The following ODAD2 variants were observed in gnomAD, a reference collection of about 807,000 sequenced individuals.
ODAD2 encodes outer dynein arm-docking complex subunit 2.
ODAD2 carries 89 observed loss-of-function variants against 106.8 expected under a neutral mutation model. The ratio of observed to expected loss-of-function variants is 0.83; its 90% confidence interval spans 0.70 to 0.99. The LOEUF is 0.99. ODAD2 is among the 50% of genes least tolerant of loss of function. ODAD2 has a pLI of 0.00. For missense variants in ODAD2, 1,168 were observed against 1,238.5 expected (o/e 0.94, Z 0.85); for synonymous variants, 404 against 436.2 (o/e 0.93, Z 0.92).
chr10:27,960,184 C>A (rs1324859639), intron 10 of ODAD2, among the ~76,000 whole-genome samples: 1 of 151,762 alleles, frequency 6.6e-6, no homozygotes, highest in East Asian at 1.9e-4. Context: ...ACATATTTTT[C>A]ATTTTGCATT....
chr10:27,966,455 G>T (rs140009630), intron 9 of ODAD2, among the ~76,000 whole-genome samples: 2,106 of 152,138 alleles, frequency 0.014, 19 homozygotes, highest in Non-Finnish European at 0.02. Flanking sequence ...AAAAAGCAGC[G>T]CCCCAAAGAA....
intron 17 of ODAD2, among the ~76,000 whole-genome samples, chr10:27,897,338 C>A (rs1408089700): frequency 1.3e-5 from 2 of 152,170 alleles, no homozygotes; most frequent in African/African-American, 4.8e-5. Context: ...ATTCAAATGA[C>A]TGGACATCTC....
At chr10:27,831,222 C>T (rs750736227) in intron 19 of ODAD2, among the ~76,000 whole-genome samples, 1 of 152,162 alleles carries the variant, frequency 6.6e-6, no homozygotes, top group Non-Finnish European at 1.5e-5. Context: ...AGAACAATTC[C>T]TTGTTCTTTT....
At chr10:27,927,950 C>G (rs1845368279) in intron 16 of ODAD2, among the ~76,000 whole-genome samples, 1 of 152,072 alleles carries the variant, frequency 6.6e-6, no homozygotes, top group African/African-American at 2.4e-5. Context: ...ACACCCAACC[C>G]ATCCCTCTAA....
At chr10:27,996,514 T>C (rs899999889) in intron 1 of ODAD2, among the ~76,000 whole-genome samples, 3 of 152,112 alleles carry the variant, frequency 2.0e-5, no homozygotes, top group Admixed American at 6.5e-5. Flanking sequence ...CTGTGCAGGA[T>C]AGTACCTCAG....
rs746285604 is a variant in ODAD2 at position 27,985,050 on chromosome 10, G to A, written c.544C>T (p.Leu182Phe). 1.1e-5 allele frequency: 18 copies of A among 1,608,692 alleles called. No individual in the cohort carries two copies. The highest frequency in any genetic ancestry group is 1.1e-5 in the South Asian group (1 of 90,252). ...AMLLKQLDLH[L>F]LNHSLKHISL... The stretch of plus-strand genomic sequence containing the variant: ...ATATGTTTTAGAGAATGATTGAGGA[G>A]GTGCAGATCCAATTGCTTAAGCAGC... Residue 182 changes from leucine to phenylalanine, a missense_variant, in exon 4 of 20, where the codon CTC (leucine) becomes TTC (phenylalanine). Leu to Phe is a conservative substitution (Grantham distance 22, BLOSUM62 0). Coordinates refer to ENST00000305242, the MANE Select transcript of ODAD2 (RefSeq NM_018076.5).
At chr10:27,843,404 T>C (rs989987651) in intron 19 of ODAD2, among the ~76,000 whole-genome samples, 1 of 152,074 alleles carries the variant, frequency 6.6e-6, no homozygotes, top group African/African-American at 2.4e-5. Context: ...CATAACTGGG[T>C]AAAAAAGCAA....
At chr10:27,937,776 C>T (rs1287847024) in intron 14 of ODAD2, among the ~76,000 whole-genome samples, 1 of 152,154 alleles carries the variant, frequency 6.6e-6, no homozygotes, top group African/African-American at 2.4e-5. Flanking sequence ...TTATCTTCTG[C>T]ACGTGATTTT....
intron 18 of ODAD2, among the ~76,000 whole-genome samples, chr10:27,861,589 G>C (rs1300803994): frequency 6.6e-6 from 1 of 152,234 alleles, no homozygotes; most frequent in African/African-American, 2.4e-5. Flanking sequence ...ATTGATATCA[G>C]TAATACACCT....
chr10:27,926,724 A>G (rs1845283557), intron 16 of ODAD2, among the ~76,000 whole-genome samples: 1 of 152,302 alleles, frequency 6.6e-6, no homozygotes, highest in African/African-American at 2.4e-5. Context: ...TGAGGTATGG[A>G]AAAATAAATC....
rs762408624 is a variant in ODAD2, at chr10:27,940,716, C to A, written c.1833G>T (p.Gly611=). ...EARDVEVARC[G]ALALWSCSKS... is the part of the protein sequence containing the mutation. ...TACTGCAGCTCCACAGGGCCAGTGCCCCACAGCGAGCCACTTCCACGTCTC... is the reference window on the plus strand; with the variant it reads ...TACTGCAGCTCCACAGGGCCAGTGCACCACAGCGAGCCACTTCCACGTCTC... The change falls in exon 13 of 20, where the codon GGG becomes GGT. Residue 611 remains glycine (G), a synonymous_variant. Coordinates refer to ENST00000305242, the MANE Select transcript of ODAD2 (RefSeq NM_018076.5). 6.2e-7 allele frequency: 1 copy of A among 1,614,114 alleles called. No homozygotes were observed. Among genetic ancestry groups the A allele is most frequent in the South Asian group, 1.1e-5 (1 of 91,084 alleles).
intron 16 of ODAD2, among the ~76,000 whole-genome samples, chr10:27,908,862 T>C (rs1426021866): frequency 6.6e-6 from 1 of 152,014 alleles, no homozygotes; most frequent in Non-Finnish European, 1.5e-5. Flanking sequence ...AAACTGGTGA[T>C]GTAAATAGCC....
At chr10:27,970,983 TAAATAAATAAATAAATAAATAAATAAAC>T (rs1286429363) in intron 8 of ODAD2, 97 bp downstream of exon 8, 1 of 312,726 alleles carries the variant, frequency 3.2e-6, no homozygotes, top group African/African-American at 2.9e-5. Context: ...AATAAATAAA[TAAATAAATAAATAAATAAATAAATAAAC>T]AAACAAACAA....
intron 9 of ODAD2, 65 bp from the exon 10 acceptor site, chr10:27,961,780 T>A: frequency 7.2e-7 from 1 of 1,396,274 alleles, no homozygotes; most frequent in Non-Finnish European, 9.8e-7. Flanking sequence ...AAGACCTACA[T>A]GGGGCCAGGT....
intron 1 of ODAD2, among the ~76,000 whole-genome samples, chr10:27,998,119 A>C (rs868010621): frequency 1.3e-5 from 2 of 152,224 alleles, no homozygotes; most frequent in Admixed American, 1.3e-4. Flanking sequence ...AGCACAACCG[A>C]ATTCTTTAGG....
At chr10:27,856,034 T>G (rs1055372605) in intron 19 of ODAD2, among the ~76,000 whole-genome samples, 2 of 152,210 alleles carry the variant, frequency 1.3e-5, no homozygotes, top group African/African-American at 4.8e-5. Context: ...TGAATTTTTT[T>G]CCTGCAATTT....
intron 16 of ODAD2, among the ~76,000 whole-genome samples, chr10:27,910,042 T>C (rs1477621405): frequency 6.6e-6 from 1 of 152,110 alleles, no homozygotes; most frequent in Non-Finnish European, 1.5e-5. Context: ...ATTTCCCTGT[T>C]TTCTATTTTA....
At chr10:27,948,819 C>A (rs1847128229) in intron 10 of ODAD2, among the ~76,000 whole-genome samples, 1 of 45,578 alleles carries the variant, frequency 2.2e-5, no homozygotes, top group Non-Finnish European at 5.0e-5. Context: ...TGACATTTGG[C>A]CATTGGATTT....
chr10:27,967,196 AGCAAAG>A (rs1360151466), intron 9 of ODAD2, among the ~76,000 whole-genome samples: 2 of 152,090 alleles, frequency 1.3e-5, no homozygotes, highest in African/African-American at 4.8e-5. Context: ...TACCTCTTAT[AGCAAAG>A]GCCAAGTGAA....
Sources: allele counts gnomAD v4.1 joint callset (sites outside exome capture counted in the v4.1 genomes callset), GRCh38; gene constraint gnomAD v4.1.1; transcripts MANE v1.5; gene names NCBI Gene and HGNC (gene_info 2026-07-23, HGNC 2026-07-21).